Variants in JAM3 observed in about 807,000 individuals in gnomAD.
JAM3 encodes junctional adhesion molecule 3, also known as junctional adhesion molecule C.
A neutral mutation model predicts 39.4 loss-of-function variants in JAM3; 31 were observed. The ratio of observed to expected loss-of-function variants is 0.79; its 90% confidence interval spans 0.59 to 1.06. The LOEUF is 1.06. Ranked by LOEUF, JAM3 falls within the 50% of genes least tolerant of loss-of-function variation. JAM3 has a pLI of 0.00. For synonymous variants in JAM3, 182 were observed against 148.7 expected (o/e 1.22, Z -1.63); for missense variants, 455 against 391.4 (o/e 1.16, Z -1.37).
intron 1 of JAM3, among the ~76,000 whole-genome samples, chr11:134,087,490 A>G (rs755336608): frequency 1.1e-4 from 17 of 152,220 alleles, no homozygotes; most frequent in Non-Finnish European, 2.2e-4. Context: ...AGAATTTATT[A>G]TTGCTTGAAA....
At chr11:134,147,925 G>T (rs1943108770) in intron 6 of JAM3, 1 of 154,014 alleles carries the variant, frequency 6.5e-6, no homozygotes, top group South Asian at 2.0e-4. Flanking sequence ...TTGCTTGAAG[G>T]AACGGCTGCC....
intron 5 of JAM3, among the ~76,000 whole-genome samples, chr11:134,145,672 C>A (rs1346525549): frequency 1.3e-5 from 2 of 152,186 alleles, no homozygotes; most frequent in Non-Finnish European, 2.9e-5. Context: ...CAGGAGCAGT[C>A]ATCATTGAAG....
At chr11:134,096,126 G>C (rs896676541) in intron 1 of JAM3, among the ~76,000 whole-genome samples, 2 of 152,046 alleles carry the variant, frequency 1.3e-5, no homozygotes, top group African/African-American at 2.4e-5. Flanking sequence ...ACAGGTGCGC[G>C]CCACTACACC....
intron 1 of JAM3, among the ~76,000 whole-genome samples, chr11:134,114,055 G>C (rs890102798): frequency 6.6e-6 from 1 of 151,964 alleles, no homozygotes; most frequent in Admixed American, 6.6e-5. Flanking sequence ...TTTTTTTCTT[G>C]TAAATTTGTT....
At chr11:134,134,398 C>CAAAAAAAAAA (rs34729848) in intron 1 of JAM3, among the ~76,000 whole-genome samples, 18 of 31,914 alleles carry the variant, frequency 5.6e-4, no homozygotes, top group South Asian at 1.6e-3. Flanking sequence ...GGATAAATGC[C>CAAAAAAAAAA]AAAAAAAAAA....
chr11:134,075,775 C>T (rs1179327076), intron 1 of JAM3, among the ~76,000 whole-genome samples: 1 of 152,082 alleles, frequency 6.6e-6, no homozygotes, highest in Non-Finnish European at 1.5e-5. Flanking sequence ...GGTTTGTATA[C>T]CTGTGAGTTT....
intron 1 of JAM3, chr11:134,123,982 A>G: frequency 6.6e-7 from 1 of 1,514,622 alleles, no homozygotes. Context: ...TATTCAATCA[A>G]AGCAAGTGCA....
rs1943201489 is a variant in JAM3, at chr11:134,150,804, A to C, written c.*1623A>C. 6.6e-6 allele frequency: 1 copy of C among 152,208 alleles called. No homozygotes were observed. The highest frequency in any genetic ancestry group is 2.1e-4 in the South Asian group (1 of 4,822). 9.4% of individuals were successfully genotyped at this position (152,208 alleles called of 1,614,324 possible). Reference sequence around the variant, plus strand: ...ACCCAGACGCCACAGGCTCTGTCGCATTTCAAAACAAACCATGATGGAGTG... The same window carrying C: ...ACCCAGACGCCACAGGCTCTGTCGCCTTTCAAAACAAACCATGATGGAGTG... On this transcript the variant is annotated 3_prime_UTR_variant, in exon 9 of 9. Transcript: ENST00000299106.
At chr11:134,139,788 G>A (rs1387608448) in intron 1 of JAM3, 63 bp from the exon 2 acceptor site, 2 of 1,321,512 alleles carry the variant, frequency 1.5e-6, no homozygotes, top group African/African-American at 2.9e-5. Context: ...CCTGACCTCA[G>A]TGCAAGGTTT....
intron 1 of JAM3, among the ~76,000 whole-genome samples, chr11:134,115,188 TA>T (rs1942401829): frequency 6.6e-6 from 1 of 152,194 alleles, no homozygotes; most frequent in Non-Finnish European, 1.5e-5. Flanking sequence ...TTGATACTAA[TA>T]TAGCCACTCC....
rs114440503 is a variant in JAM3 at position 134,080,488 on chromosome 11, C to T, written c.76+11329C>T. Among the ~76,000 whole-genome samples the T allele has an allele frequency of 7.2e-3, 1,093 of 152,232 alleles. 9 individuals carry two copies. The highest frequency in any genetic ancestry group is 0.025 in the African/African-American group (1,026 of 41,534). ...ATTGAATCATGGGGTGGGTCTTTCCCATGCTGTTCTTGTGATCGTTAGTAA... is the reference window on the plus strand; with the variant it reads ...ATTGAATCATGGGGTGGGTCTTTCCTATGCTGTTCTTGTGATCGTTAGTAA... On this transcript the variant is annotated intron_variant, in intron 1 of 8. Coordinates refer to ENST00000299106, the MANE Select transcript of JAM3 (RefSeq NM_032801.5).
rs115609640 is a variant in JAM3 at position 134,140,544 on chromosome 11, G to A, written c.143-113G>A. On this transcript the variant is annotated intron_variant, in intron 2 of 8. Transcript: ENST00000299106. ...TCTCTTGGAGTGTGGAGTTGGCTAC[G>A]TTTTTAATCTGCATGAAAGGCCTCT... 1,161 of 861,856 alleles carry A rather than the reference G, an allele frequency of 1.3e-3. 5 individuals carry two copies. The African/African-American group carries it at 0.015, about 11-fold the overall frequency. 53.4% of individuals were successfully genotyped at this position (861,856 alleles called of 1,614,324 possible).
intron 1 of JAM3, among the ~76,000 whole-genome samples, chr11:134,103,264 G>A (rs1321367835): frequency 6.6e-6 from 1 of 152,076 alleles, no homozygotes; most frequent in Non-Finnish European, 1.5e-5. Context: ...GCCAAACTAA[G>A]CTTCATAAGT....
chr11:134,111,049 G>A (rs1417183182), intron 1 of JAM3, among the ~76,000 whole-genome samples: 1 of 147,554 alleles, frequency 6.8e-6, no homozygotes, highest in Non-Finnish European at 1.5e-5. Flanking sequence ...TGGCTCATAT[G>A]AATCCTTGAA....
intron 1 of JAM3, among the ~76,000 whole-genome samples, chr11:134,122,481 C>G (rs1942554186): frequency 6.6e-6 from 1 of 152,192 alleles, no homozygotes; most frequent in South Asian, 2.1e-4. Flanking sequence ...CCACTAAACC[C>G]AGCCAAGAAT....
chr11:134,090,099 A>G (rs1941817708), intron 1 of JAM3, among the ~76,000 whole-genome samples: 2 of 152,192 alleles, frequency 1.3e-5, no homozygotes, highest in African/African-American at 4.8e-5. Flanking sequence ...TGGCTGCATA[A>G]ATGTCTTCTT....
intron 1 of JAM3, among the ~76,000 whole-genome samples, chr11:134,100,171 A>G (rs984353018): frequency 2.6e-5 from 4 of 152,132 alleles, no homozygotes; most frequent in African/African-American, 9.7e-5. Flanking sequence ...TCCTCCTTAA[A>G]AAAAAAATAG....
intron 1 of JAM3, among the ~76,000 whole-genome samples, chr11:134,115,610 G>C (rs1942413095): frequency 6.6e-6 from 1 of 152,072 alleles, no homozygotes; most frequent in South Asian, 2.1e-4. Context: ...TTATAGATTG[G>C]GGGAGGGGGT....
chr11:134,116,380 A>G (rs1177665783), intron 1 of JAM3, among the ~76,000 whole-genome samples: 1 of 152,102 alleles, frequency 6.6e-6, no homozygotes, highest in Admixed American at 6.5e-5. Context: ...TGTAAAGAAA[A>G]TTTGGCCTCT....
Sources: gnomAD v4.1 joint callset for allele counts (sites outside exome capture counted in the v4.1 genomes callset) on GRCh38, gnomAD v4.1.1 for gene constraint, MANE v1.5 for transcripts, NCBI Gene and HGNC (gene_info 2026-07-23, HGNC 2026-07-21) for gene names.